The following ZC3H12B variants were observed in gnomAD, a reference collection of about 807,000 sequenced individuals.
ZC3H12B encodes the protein zinc finger CCCH-type containing 12B, also known as probable ribonuclease ZC3H12B.
A neutral mutation model predicts 43.9 loss-of-function variants in ZC3H12B; 7 were observed. The observed-to-expected ratio is 0.16, with a 90% CI of 0.09 to 0.30. The LOEUF (loss-of-function observed/expected upper bound fraction) is 0.30, where lower values mean the gene tolerates loss of function less well. ZC3H12B is among the 10% of genes least tolerant of loss of function. ZC3H12B has a pLI of 1.00. For synonymous variants in ZC3H12B, 222 were observed against 241.7 expected (o/e 0.92, Z 0.76); for missense variants, 475 against 670.2 (o/e 0.71, Z 3.22).
the ZC3H12B span, among the ~76,000 whole-genome samples, chrX:65,144,036 G>T: frequency 9.0e-6 from 1 of 111,471 alleles, no homozygotes; most frequent in Admixed American, 9.5e-5. Context: ...TTTGGGGAAG[G>T]TTCCCTCTTC....
the ZC3H12B span, among the ~76,000 whole-genome samples, chrX:65,144,316 A>G: frequency 9.0e-6 from 1 of 111,693 alleles, no homozygotes; most frequent in Non-Finnish European, 1.9e-5. Context: ...GTCACATGTA[A>G]TATCTCCTGT....
chrX:65,231,566 C>T, the ZC3H12B span, among the ~76,000 whole-genome samples: 1 of 111,175 alleles, frequency 9.0e-6, no homozygotes, highest in Admixed American at 9.6e-5. Context: ...GAACTACCCC[C>T]AGGAATGCAT....
chrX:65,165,075 T>G, the ZC3H12B span, among the ~76,000 whole-genome samples: 6 of 111,545 alleles, frequency 5.4e-5, no homozygotes, highest in African/African-American at 2.0e-4. Context: ...GTTACAACAG[T>G]AGATATTTGT....
chrX:65,040,599 G>A, the ZC3H12B span, among the ~76,000 whole-genome samples: 1 of 110,281 alleles, frequency 9.1e-6, no homozygotes, highest in African/African-American at 3.3e-5. Flanking sequence ...TTTTTTTTAT[G>A]AACTGCAGTT....
At chrX:65,164,800 C>A in the ZC3H12B span, among the ~76,000 whole-genome samples, 1 of 111,876 alleles carries the variant, frequency 8.9e-6, no homozygotes, top group Non-Finnish European at 1.9e-5. Flanking sequence ...CTGGCAATTT[C>A]CCCTCAAAAG....
At chrX:65,222,360 A>T in the ZC3H12B span, among the ~76,000 whole-genome samples, 2 of 110,686 alleles carry the variant, frequency 1.8e-5, no homozygotes, top group East Asian at 5.6e-4. Context: ...AGCAATCAGA[A>T]AAGAGAAAGA....
the ZC3H12B span, among the ~76,000 whole-genome samples, chrX:65,251,827 A>G: frequency 0.24 from 26,017 of 110,312 alleles, 7,581 homozygotes; most frequent in African/African-American, 0.82. Context: ...AGCTTAAGGA[A>G]ATTTTGGGCT....
chrX:65,166,023 G>C, the ZC3H12B span, among the ~76,000 whole-genome samples: 1 of 105,773 alleles, frequency 9.5e-6, no homozygotes, highest in Non-Finnish European at 1.9e-5. Flanking sequence ...TTATGGTTTT[G>C]ATTTGTATTT....
At chrX:65,456,021 A>G (rs1216521508) in intron 3 of ZC3H12B, among the ~76,000 whole-genome samples, 1 of 112,034 alleles carries the variant, frequency 8.9e-6, no homozygotes, top group Non-Finnish European at 1.9e-5. Context: ...CACTGCAAAA[A>G]CATACCAAAT....
chrX:65,424,823 A>G (rs986452972), intron 3 of ZC3H12B, among the ~76,000 whole-genome samples: 8 of 111,285 alleles, frequency 7.2e-5, no homozygotes, highest in African/African-American at 2.0e-4. Flanking sequence ...TCATTGATCT[A>G]TGTGTCATTG....
intron 3 of ZC3H12B, among the ~76,000 whole-genome samples, chrX:65,451,458 G>A (rs772929503): frequency 1.7e-4 from 19 of 109,866 alleles, no homozygotes; most frequent in Non-Finnish European, 2.5e-4. Flanking sequence ...ATTTTGATTG[G>A]GCTATGTTTC....
chrX:65,487,667 T>C (rs1229226100), upstream of ZC3H12B, among the ~76,000 whole-genome samples: 1 of 112,655 alleles, frequency 8.9e-6, no homozygotes, highest in Non-Finnish European at 1.9e-5. Context: ...CTTTTGTTTA[T>C]CAATTACAAT....
chrX:65,193,300 T>C, the ZC3H12B span, among the ~76,000 whole-genome samples: 5 of 111,045 alleles, frequency 4.5e-5, no homozygotes, highest in Non-Finnish European at 9.4e-5. Flanking sequence ...AGATGTTTTA[T>C]CTTGTCTTCG....
the ZC3H12B span, among the ~76,000 whole-genome samples, chrX:65,291,986 G>A: frequency 2.7e-5 from 3 of 111,825 alleles, no homozygotes; most frequent in African/African-American, 9.7e-5. Context: ...TCCTGAATAT[G>A]TATGAAACTA....
the ZC3H12B span, among the ~76,000 whole-genome samples, chrX:65,080,582 A>C: frequency 9.0e-6 from 1 of 111,521 alleles, no homozygotes; most frequent in African/African-American, 3.3e-5. Context: ...ATGATATATT[A>C]AAAGTGCAGA....
chrX:65,048,645 A>G, the ZC3H12B span, among the ~76,000 whole-genome samples: 3 of 111,250 alleles, frequency 2.7e-5, no homozygotes, highest in Admixed American at 9.5e-5. Context: ...GTACACATAT[A>G]TAGTAAAAAT....
At chrX:65,243,231 A>G in the ZC3H12B span, among the ~76,000 whole-genome samples, 9 of 112,458 alleles carry the variant, frequency 8.0e-5, no homozygotes, top group African/African-American at 2.9e-4. Flanking sequence ...AAAACTGACA[A>G]TGGATTAATA....
chrX:65,202,159 A>T, the ZC3H12B span, among the ~76,000 whole-genome samples: 205 of 71,181 alleles, frequency 2.9e-3, no homozygotes, highest in African/African-American at 0.046. Context: ...AATATATATT[A>T]TATATAATAT....
At chrX:65,371,641 G>T (rs1040028576) in intron 2 of ZC3H12B, among the ~76,000 whole-genome samples, 1 of 112,041 alleles carries the variant, frequency 8.9e-6, no homozygotes, top group Non-Finnish European at 1.9e-5. Flanking sequence ...TGAACAAGAT[G>T]CAAGCAAATG....
Sources: allele counts gnomAD v4.1 joint callset (sites outside exome capture counted in the v4.1 genomes callset), GRCh38; gene constraint gnomAD v4.1.1; transcripts MANE v1.5; gene names NCBI Gene and HGNC (gene_info 2026-07-23, HGNC 2026-07-21).